ANO2: variants seen among roughly 807,000 people sequenced by gnomAD.
ANO2 encodes anoctamin 2.
Under a neutral mutation model 124.2 loss-of-function variants are expected in ANO2, and 101 were observed. The ratio of observed to expected loss-of-function variants is 0.81; its 90% CI spans 0.69 to 0.96. The LOEUF is 0.96. Ranked by LOEUF, ANO2 falls within the 40% of genes least tolerant of loss-of-function variation. The probability of loss-of-function intolerance (pLI) is 0.00; values close to 1 mark genes in which losing one functional copy is unlikely to be tolerated. For missense variants in ANO2, 1,293 were observed against 1,274.5 expected (o/e 1.01, Z -0.22); for synonymous variants, 486 against 482.5 (o/e 1.01, Z -0.09).
In ANO2 at chr12:5,636,639, CA is replaced by C; in HGVS notation, c.1621-1293del. 6.6e-6 allele frequency among the ~76,000 whole-genome samples: 1 copy of C among 150,466 alleles called. No homozygotes were observed. Among genetic ancestry groups the C allele is most frequent in the Non-Finnish European group, 1.5e-5 (1 of 67,624 alleles). Reference sequence around the variant, plus strand: ...ACACACACACACACACACACACACACACACACACACGCATGCACAGGGAGGG... The same window carrying C: ...ACACACACACACACACACACACACACCACACACACGCATGCACAGGGAGGG... On this transcript the variant is annotated intron_variant, in intron 15 of 24. Coordinates refer to ENST00000682330, the MANE Select transcript of ANO2 (RefSeq NM_001364791.2). This position sits in a 1 kb window ranked among gnomAD's most constrained non-coding sequence, Gnocchi z 4.6.
At chr12:5,789,874 G>A (rs1489473847) in intron 10 of ANO2, among the ~76,000 whole-genome samples, 1 of 152,290 alleles carries the variant, frequency 6.6e-6, no homozygotes, top group South Asian at 2.1e-4. Context: ...GTGTTAAGAC[G>A]TTTTCTGTTT....
At chr12:5,898,142 G>C (rs539965724) in intron 3 of ANO2, among the ~76,000 whole-genome samples, 9 of 152,090 alleles carry the variant, frequency 5.9e-5, no homozygotes, top group African/African-American at 1.9e-4. Flanking sequence ...ATATGAAAAG[G>C]TTTTTATCTC....
At chr12:5,829,944 T>C (rs1192947163) in intron 6 of ANO2, among the ~76,000 whole-genome samples, 1 of 152,178 alleles carries the variant, frequency 6.6e-6, no homozygotes, top group Non-Finnish European at 1.5e-5. Flanking sequence ...TAGCATTCCT[T>C]GTTATAGAAA....
chr12:5,936,721 G>A (rs185960485), intron 1 of ANO2, among the ~76,000 whole-genome samples: 10 of 152,292 alleles, frequency 6.6e-5, no homozygotes, highest in Non-Finnish European at 1.2e-4. Flanking sequence ...CCAAGGTTGC[G>A]AAGATTTACT....
chr12:5,748,449 G>A (rs926336523), intron 11 of ANO2, among the ~76,000 whole-genome samples: 2 of 152,140 alleles, frequency 1.3e-5, no homozygotes, highest in Non-Finnish European at 1.5e-5. Flanking sequence ...TGAGCCCTCC[G>A]GAAAACTTCT....
At chr12:5,666,165 T>C (rs1191243795) in intron 14 of ANO2, among the ~76,000 whole-genome samples, 1 of 152,046 alleles carries the variant, frequency 6.6e-6, no homozygotes, top group African/African-American at 2.4e-5. Context: ...AACAGAATAG[T>C]GAAGGTTGAG....
chr12:5,637,213 G>A (rs1946069241), intron 15 of ANO2, among the ~76,000 whole-genome samples: 1 of 152,142 alleles, frequency 6.6e-6, no homozygotes, highest in South Asian at 2.1e-4. Context: ...GATTGTCACT[G>A]CCAGATAGTA....
intron 7 of ANO2, among the ~76,000 whole-genome samples, chr12:5,809,878 G>A (rs542081304): frequency 1.3e-5 from 2 of 152,188 alleles, no homozygotes; most frequent in African/African-American, 2.4e-5. Context: ...AACAGTCACC[G>A]GCCCTACGGC....
intron 10 of ANO2, among the ~76,000 whole-genome samples, chr12:5,796,400 G>GCA (rs538831811): frequency 1.6e-3 from 242 of 147,616 alleles, no homozygotes; most frequent in Middle Eastern, 3.6e-3. Context: ...ATATTCTCTG[G>GCA]CACACACACA....
intron 9 of ANO2, 148 bp from the exon 10 acceptor site, chr12:5,799,719 G>T: frequency 1.4e-6 from 1 of 708,306 alleles, no homozygotes; most frequent in Non-Finnish European, 2.4e-6. Flanking sequence ...GTTCAGAATC[G>T]GGAGGCTATG....
At chr12:5,759,697 C>A in intron 10 of ANO2, among the ~76,000 whole-genome samples, 1 of 150,990 alleles carries the variant, frequency 6.6e-6, no homozygotes. Flanking sequence ...CCCACTGTCC[C>A]CAGCCTGTGG....
chr12:5,692,406 A>T (rs1437136315), intron 14 of ANO2, among the ~76,000 whole-genome samples: 2 of 152,124 alleles, frequency 1.3e-5, no homozygotes, highest in Non-Finnish European at 2.9e-5. Flanking sequence ...TAAGTTCTTT[A>T]AGCCACTGAC....
intron 7 of ANO2, among the ~76,000 whole-genome samples, chr12:5,814,160 A>T (rs774300902): frequency 1.6e-4 from 25 of 152,212 alleles, no homozygotes; most frequent in Non-Finnish European, 2.9e-4. Flanking sequence ...TCCACGTTGC[A>T]GTGACCTCTC....
At chr12:5,642,986 T>C (rs188864835) in intron 15 of ANO2, among the ~76,000 whole-genome samples, 52 of 152,312 alleles carry the variant, frequency 3.4e-4, no homozygotes, top group African/African-American at 1.2e-3. Flanking sequence ...TAATGAGAAC[T>C]TACCTGACCA....
intron 20 of ANO2, among the ~76,000 whole-genome samples, chr12:5,581,963 A>G (rs1942780480): frequency 6.6e-6 from 1 of 152,252 alleles, no homozygotes. Flanking sequence ...AGAATAAAAC[A>G]TAAAACCATA....
rs57038931 is a variant in ANO2 at position 5,873,196 on chromosome 12, GCTCTCTCTCTCT to G, written c.535-19067_535-19056del. Among the ~76,000 whole-genome samples, 757 of 119,038 alleles carry G rather than the reference GCTCTCTCTCTCT, an allele frequency of 6.4e-3. 12 individuals carry two copies. The highest frequency in any genetic ancestry group is 0.021 in the African/African-American group (634 of 29,674). 78.1% of individuals were successfully genotyped at this position (119,038 alleles called of 152,430 possible). On this transcript the variant is annotated intron_variant, in intron 3 of 24. Transcript: ENST00000682330. ...AACTTTGTTACTTTTGCCTAAAGCAGCTCTCTCTCTCTCTCTCTCTCTCTCTCTCTCTCTCTC... is the reference window on the plus strand; with the variant it reads ...AACTTTGTTACTTTTGCCTAAAGCAGCTCTCTCTCTCTCTCTCTCTCTCTC...
At chr12:5,644,285 C>A (rs1415458352) in intron 15 of ANO2, among the ~76,000 whole-genome samples, 3 of 152,156 alleles carry the variant, frequency 2.0e-5, no homozygotes, top group African/African-American at 7.2e-5. Context: ...CATTCTTTTC[C>A]CCACTTATAT....
At chr12:5,589,212 G>C (rs56017041) in intron 20 of ANO2, among the ~76,000 whole-genome samples, 25,811 of 152,090 alleles carry the variant, frequency 0.17, 2,530 homozygotes, top group Non-Finnish European at 0.22. Context: ...GAGCTGCTGC[G>C]ATCTTTGAAC....
intron 14 of ANO2, among the ~76,000 whole-genome samples, chr12:5,727,919 G>A (rs1371193542): frequency 6.6e-6 from 1 of 151,738 alleles, no homozygotes; most frequent in Non-Finnish European, 1.5e-5. Context: ...CCATTCTCCT[G>A]CCTCAGCCTC....
Sources: gnomAD v4.1 joint callset for allele counts (sites outside exome capture counted in the v4.1 genomes callset) on GRCh38, gnomAD v4.1.1 for gene constraint, Gnocchi (gnomAD v3.1) non-coding constraint, MANE v1.5 for transcripts, NCBI Gene and HGNC (gene_info 2026-07-23, HGNC 2026-07-21) for gene names.